The following KCNB2 variants were observed in gnomAD, a reference collection of about 807,000 sequenced individuals.
The protein encoded by KCNB2 is potassium voltage-gated channel subfamily B member 2, also known as delayed rectifier potassium channel protein.
KCNB2 carries 15 observed loss-of-function variants against 61.5 expected under a neutral mutation model. The ratio of observed to expected loss-of-function variants is 0.24; its 90% CI spans 0.16 to 0.38. The LOEUF (loss-of-function observed/expected upper bound fraction) is 0.38. Ranked by LOEUF, KCNB2 falls within the 10% of genes least tolerant of loss-of-function variation. The pLI is 1.00. For missense variants in KCNB2, 828 were observed against 1,125.2 expected, an observed-to-expected ratio of 0.74 and a Z score of 3.78; for synonymous variants, 457 against 446.0, an observed-to-expected ratio of 1.02 and a Z score of -0.31.
intron 2 of KCNB2, among the ~76,000 whole-genome samples, chr8:72,909,660 G>C (rs1257114698): frequency 1.3e-5 from 2 of 152,116 alleles, no homozygotes; most frequent in Non-Finnish European, 2.9e-5. Flanking sequence ...ATCTGGGGGG[G>C]AAATGATGGC....
intron 2 of KCNB2, among the ~76,000 whole-genome samples, chr8:72,719,269 G>T (rs951551618): frequency 3.3e-5 from 5 of 152,236 alleles, no homozygotes; most frequent in African/African-American, 1.2e-4. Flanking sequence ...GAAAAACTCA[G>T]CTCCCATTAA....
At chr8:72,882,191 C>G (rs1289408354) in intron 2 of KCNB2, among the ~76,000 whole-genome samples, 1 of 152,174 alleles carries the variant, frequency 6.6e-6, no homozygotes, top group Non-Finnish European at 1.5e-5. Context: ...AGCACCTCCA[C>G]ACGGGGGTGG....
chr8:72,771,684 C>T (rs553511917), intron 2 of KCNB2, among the ~76,000 whole-genome samples: 1 of 152,024 alleles, frequency 6.6e-6, no homozygotes, highest in Non-Finnish European at 1.5e-5. Context: ...AAGGAAACCT[C>T]TGGGATCAGA....
At chr8:72,809,574 A>G (rs574184987) in intron 2 of KCNB2, among the ~76,000 whole-genome samples, 1 of 152,302 alleles carries the variant, frequency 6.6e-6, no homozygotes, top group East Asian at 1.9e-4. Flanking sequence ...TTTCAACTTT[A>G]TTAGAGAAAT....
chr8:72,726,823 T>G (rs1440923052), intron 2 of KCNB2, among the ~76,000 whole-genome samples: 2 of 152,074 alleles, frequency 1.3e-5, no homozygotes, highest in Non-Finnish European at 1.5e-5. Context: ...ACATTGAAAA[T>G]GAAGAGGCAG....
chr8:72,680,415 A>G (rs1156694218), intron 2 of KCNB2, among the ~76,000 whole-genome samples: 2 of 152,220 alleles, frequency 1.3e-5, no homozygotes, highest in Non-Finnish European at 2.9e-5. Context: ...GCAATTCATT[A>G]AGTAAAAGCA....
intron 2 of KCNB2, among the ~76,000 whole-genome samples, chr8:72,746,131 G>C (rs570151952): frequency 2.6e-5 from 4 of 152,250 alleles, no homozygotes; most frequent in Non-Finnish European, 2.9e-5. Context: ...GGGATTTAAG[G>C]CATCATTATA....
intron 2 of KCNB2, among the ~76,000 whole-genome samples, chr8:72,914,943 C>T (rs574543810): frequency 4.0e-5 from 6 of 148,678 alleles, no homozygotes; most frequent in Admixed American, 2.0e-4. Context: ...CTCATTCTGT[C>T]GTCCAGGCTG....
At chr8:72,581,695 A>G (rs1261720735) in intron 2 of KCNB2, among the ~76,000 whole-genome samples, 1 of 152,232 alleles carries the variant, frequency 6.6e-6, no homozygotes, top group Non-Finnish European at 1.5e-5. Context: ...ATATAGGCTG[A>G]GAACCACAGA....
intron 2 of KCNB2, among the ~76,000 whole-genome samples, chr8:72,825,261 G>C (rs1416217520): frequency 6.6e-6 from 1 of 152,208 alleles, no homozygotes. Flanking sequence ...ATTCCAGAGA[G>C]AGAGAGAGAT....
At position 72,606,752 on chromosome 8, in the gene KCNB2, C is replaced by A. The variant is rs935415953; in HGVS notation, c.579+38439C>A. 2.6e-5 allele frequency among the ~76,000 whole-genome samples: 4 copies of A among 152,140 alleles called. No individual in the cohort carries two copies. The South Asian group carries it at 8.3e-4, about 32-fold the overall frequency. Reference sequence around the variant, plus strand: ...GAAAAAGACCCAAACAAATGAATATCCACCCCTTCACTGCTGTGACCTGTG... The same window carrying A: ...GAAAAAGACCCAAACAAATGAATATACACCCCTTCACTGCTGTGACCTGTG... On this transcript the variant is annotated intron_variant, in intron 2 of 2. Coordinates refer to ENST00000523207, the MANE Select transcript of KCNB2 (RefSeq NM_004770.3).
chr8:72,815,805 T>G (rs938461909), intron 2 of KCNB2, among the ~76,000 whole-genome samples: 1 of 152,032 alleles, frequency 6.6e-6, no homozygotes, highest in Non-Finnish European at 1.5e-5. Flanking sequence ...TTGAGGAAGG[T>G]CAGGAGAGGG....
At chr8:72,663,613 T>C (rs538053376) in intron 2 of KCNB2, among the ~76,000 whole-genome samples, 9 of 152,312 alleles carry the variant, frequency 5.9e-5, no homozygotes, top group South Asian at 4.1e-4. Flanking sequence ...AAGAAAGGGT[T>C]CCATTGCTTA....
chr8:72,614,221 G>A (rs1805583351), intron 2 of KCNB2, among the ~76,000 whole-genome samples: 1 of 152,092 alleles, frequency 6.6e-6, no homozygotes, highest in Non-Finnish European at 1.5e-5. Flanking sequence ...GATATTGATT[G>A]GATGCCAAAC....
At chr8:72,825,748 GT>G (rs926317494) in intron 2 of KCNB2, among the ~76,000 whole-genome samples, 1 of 151,980 alleles carries the variant, frequency 6.6e-6, no homozygotes, top group Non-Finnish European at 1.5e-5. Context: ...GCATTGTTTG[GT>G]TTTTTTAATT....
intron 2 of KCNB2, among the ~76,000 whole-genome samples, chr8:72,836,092 A>G (rs963575037): frequency 1.3e-5 from 2 of 152,228 alleles, no homozygotes; most frequent in Non-Finnish European, 2.9e-5. Context: ...TGCCACATCT[A>G]TTCCACTTCT....
intron 2 of KCNB2, chr8:72,619,277 C>A: frequency 1.6e-6 from 1 of 617,776 alleles, no homozygotes; most frequent in Non-Finnish European, 3.2e-6. Flanking sequence ...CATTCAGATA[C>A]CTGGAACCAG....
chr8:72,712,995 G>T (rs1276826435), intron 2 of KCNB2, among the ~76,000 whole-genome samples: 1 of 152,208 alleles, frequency 6.6e-6, no homozygotes, highest in Non-Finnish European at 1.5e-5. Flanking sequence ...CTTAACAAAT[G>T]GCACACCAGG....
chr8:72,540,609 A>T (rs542568258), intron 1 of KCNB2, among the ~76,000 whole-genome samples: 19 of 152,232 alleles, frequency 1.2e-4, no homozygotes, highest in African/African-American at 4.6e-4. Context: ...TTTTTTAGTC[A>T]CATTCTACAA....
Sources: allele counts gnomAD v4.1 joint callset (sites outside exome capture counted in the v4.1 genomes callset), GRCh38; gene constraint gnomAD v4.1.1; transcripts MANE v1.5; gene names NCBI Gene and HGNC (gene_info 2026-07-23, HGNC 2026-07-21).